Variants in EDIL3 observed in about 807,000 individuals in gnomAD.
EDIL3 encodes the protein EGF-like repeat and discoidin I-like domain-containing protein 3.
EDIL3 carries 37 observed loss-of-function variants against 67.4 expected under a neutral mutation model. The observed-to-expected ratio is 0.55, with a 90% CI of 0.42 to 0.72. The LOEUF is 0.72. EDIL3 is among the 30% of genes least tolerant of loss of function. The pLI is 0.00. For synonymous variants in EDIL3, 195 were observed against 196.3 expected, an observed-to-expected ratio of 0.99 and a Z score of 0.05; for missense variants, 527 against 586.3, an observed-to-expected ratio of 0.90 and a Z score of 1.04.
chr5:84,302,866 T>G (rs899180415), intron 1 of EDIL3, among the ~76,000 whole-genome samples: 1 of 152,242 alleles, frequency 6.6e-6, no homozygotes, highest in African/African-American at 2.4e-5. Flanking sequence ...TGAGATCATC[T>G]AGCAGAAATA....
intron 3 of EDIL3, among the ~76,000 whole-genome samples, chr5:84,218,759 A>G (rs1744281948): frequency 6.6e-6 from 1 of 152,152 alleles, no homozygotes; most frequent in Non-Finnish European, 1.5e-5. Flanking sequence ...TCGAATGAAC[A>G]TTGGCTGTAG....
intron 9 of EDIL3, among the ~76,000 whole-genome samples, chr5:83,990,169 T>C (rs1199915661): frequency 6.6e-6 from 1 of 152,098 alleles, no homozygotes; most frequent in Non-Finnish European, 1.5e-5. Flanking sequence ...TTTTAATTTG[T>C]AATAATTTGT....
At chr5:84,020,488 C>G (rs1290837621) in intron 9 of EDIL3, among the ~76,000 whole-genome samples, 2 of 151,922 alleles carry the variant, frequency 1.3e-5, no homozygotes, top group Non-Finnish European at 2.9e-5. Flanking sequence ...CAAGGGAACA[C>G]CTTTATTGAC....
chr5:84,341,973 A>T (rs1747126308), intron 1 of EDIL3, among the ~76,000 whole-genome samples: 1 of 152,076 alleles, frequency 6.6e-6, no homozygotes, highest in Non-Finnish European at 1.5e-5. Context: ...CTATGGCCAT[A>T]GACCTACCAT....
At chr5:84,034,933 T>G (rs1213353021) in intron 9 of EDIL3, among the ~76,000 whole-genome samples, 1 of 152,190 alleles carries the variant, frequency 6.6e-6, no homozygotes, top group Non-Finnish European at 1.5e-5. Flanking sequence ...GTGAGTACAT[T>G]TCTTCTAGTA....
chr5:84,183,816 G>A (rs757958761), intron 3 of EDIL3, among the ~76,000 whole-genome samples: 15 of 152,110 alleles, frequency 9.9e-5, no homozygotes, highest in Non-Finnish European at 1.8e-4. Flanking sequence ...AGTTAAAACA[G>A]TGATTCTGGG....
chr5:84,065,140 T>C (rs184526538), intron 7 of EDIL3, among the ~76,000 whole-genome samples: 1 of 152,282 alleles, frequency 6.6e-6, no homozygotes, highest in Non-Finnish European at 1.5e-5. Flanking sequence ...TTCTCTTTTT[T>C]TGAGAAATGG....
intron 1 of EDIL3, among the ~76,000 whole-genome samples, chr5:84,326,841 G>C (rs991694364): frequency 6.6e-6 from 1 of 151,350 alleles, no homozygotes; most frequent in African/African-American, 2.4e-5. Flanking sequence ...AATACAATTA[G>C]ATATATGTTG....
intron 9 of EDIL3, among the ~76,000 whole-genome samples, chr5:84,032,010 T>C (rs1332953478): frequency 6.6e-6 from 1 of 152,230 alleles, no homozygotes; most frequent in Non-Finnish European, 1.5e-5. Context: ...TTTCATTTTC[T>C]TATGGAAGAG....
intron 9 of EDIL3, among the ~76,000 whole-genome samples, chr5:83,992,062 C>A (rs749432750): frequency 2.6e-5 from 4 of 152,074 alleles, no homozygotes; most frequent in Non-Finnish European, 1.5e-5. Flanking sequence ...TTCAAGAATG[C>A]CTTAGTTATG....
chr5:84,106,862 T>C (rs1239346841), intron 5 of EDIL3, 32 bp from the exon 6 acceptor site: 1 of 1,570,794 alleles, frequency 6.4e-7, no homozygotes, highest in Non-Finnish European at 8.6e-7. Flanking sequence ...AATATGAATG[T>C]ATTAGAAACA....
chr5:84,292,345 A>G (rs1018917568), intron 1 of EDIL3, among the ~76,000 whole-genome samples: 6 of 152,160 alleles, frequency 3.9e-5, no homozygotes, highest in Non-Finnish European at 8.8e-5. Context: ...TTTCTGAATA[A>G]GATATTAAAA....
intron 1 of EDIL3, among the ~76,000 whole-genome samples, chr5:84,367,812 C>T (rs529245987): frequency 1.8e-4 from 28 of 152,250 alleles, no homozygotes; most frequent in Non-Finnish European, 3.1e-4. Flanking sequence ...TTTCAACCAA[C>T]TAGATAATTT....
At chr5:83,994,956 T>C (rs919826949) in intron 9 of EDIL3, among the ~76,000 whole-genome samples, 6 of 152,148 alleles carry the variant, frequency 3.9e-5, no homozygotes, top group African/African-American at 1.4e-4. Flanking sequence ...CTCTTTTCCA[T>C]TGTAAGAGCA....
chr5:84,284,511 C>T (rs985473298), intron 1 of EDIL3, among the ~76,000 whole-genome samples: 2 of 152,082 alleles, frequency 1.3e-5, no homozygotes, highest in Non-Finnish European at 2.9e-5. Flanking sequence ...GCTACACAGG[C>T]CATCATCACT....
At chr5:84,050,043 CA>C (rs1170792270) in intron 9 of EDIL3, among the ~76,000 whole-genome samples, 2 of 151,430 alleles carry the variant, frequency 1.3e-5, no homozygotes, top group Non-Finnish European at 2.9e-5. Flanking sequence ...ACTAAAAATA[CA>C]AAAATTAGCC....
intron 1 of EDIL3, among the ~76,000 whole-genome samples, chr5:84,290,679 T>C (rs1291418609): frequency 6.6e-6 from 1 of 152,194 alleles, no homozygotes; most frequent in East Asian, 1.9e-4. Flanking sequence ...ATCCCATACA[T>C]ATTAGTTACT....
chr5:84,370,037 CA>C (rs1053318613), intron 1 of EDIL3, among the ~76,000 whole-genome samples: 2 of 152,164 alleles, frequency 1.3e-5, no homozygotes, highest in Non-Finnish European at 1.5e-5. Flanking sequence ...AACACATAAA[CA>C]GGAGCAAAGT....
At chr5:84,197,779 G>A (rs990634181) in intron 3 of EDIL3, among the ~76,000 whole-genome samples, 1 of 152,020 alleles carries the variant, frequency 6.6e-6, no homozygotes, top group South Asian at 2.1e-4. Context: ...GAGAAAGCCA[G>A]AAAGATTTGC....
Sources: gnomAD v4.1 joint callset for allele counts (sites outside exome capture counted in the v4.1 genomes callset) on GRCh38, gnomAD v4.1.1 for gene constraint, MANE v1.5 for transcripts, NCBI Gene and HGNC (gene_info 2026-07-23, HGNC 2026-07-21) for gene names.